TMLHE: variants seen among roughly 807,000 people sequenced by gnomAD.
TMLHE encodes trimethyllysine hydroxylase, epsilon, also known as trimethyllysine dioxygenase, mitochondrial.
TMLHE carries 18 observed loss-of-function variants against 25.7 expected under a neutral mutation model. That is an observed-to-expected ratio of 0.70 (90% CI 0.48 to 1.04). The LOEUF is 1.04. TMLHE is among the 50% of genes least tolerant of loss of function. TMLHE has a pLI of 0.00. For missense variants in TMLHE, 236 were observed against 259.0 expected (o/e 0.91, Z 0.61); for synonymous variants, 105 against 97.0 (o/e 1.08, Z -0.49).
intron 1 of TMLHE, among the ~76,000 whole-genome samples, chrX:155,597,901 A>G (rs1557346738): frequency 2.7e-5 from 3 of 111,684 alleles, no homozygotes; most frequent in Non-Finnish European, 1.9e-5. Flanking sequence ...CAAAAAAAAA[A>G]AAAGATGCCA....
chrX:155,532,668 CGTGT>C (rs33944459), intron 2 of TMLHE, among the ~76,000 whole-genome samples: 1,462 of 86,069 alleles, frequency 0.017, 10 homozygotes, highest in East Asian at 0.034. Context: ...ATGCAAAATT[CGTGT>C]GTGTGTGTGT....
intron 1 of TMLHE, among the ~76,000 whole-genome samples, chrX:155,573,942 T>C (rs932411881): frequency 9.9e-6 from 1 of 100,773 alleles, no homozygotes; most frequent in Non-Finnish European, 2.0e-5. Context: ...ATGTAACAAA[T>C]CTGCACATTG....
chrX:155,587,335 T>C (rs2067671123), intron 1 of TMLHE, among the ~76,000 whole-genome samples: 1 of 111,318 alleles, frequency 9.0e-6, no homozygotes, highest in African/African-American at 3.3e-5. Flanking sequence ...ATAAAAACTC[T>C]CAACAAACTA....
rs1557332735 is a variant in TMLHE, at chrX:155,506,927, G to A, written c.966C>T (p.Tyr322=). Residue 322 remains tyrosine, a synonymous_variant, in exon 6 of 8, where the codon TAC becomes TAT. Transcript: ENST00000334398. ...MIGIGPVLNI[Y]PWNKELYLIR... ...TCAAATACAGCTCTTTATTCCATGG[G>A]TAGATATTTAAGACTGGCCCAATCC... 1 of 1,206,708 alleles carries A rather than the reference G, an allele frequency of 8.3e-7. No individual in the cohort carries two copies. Among genetic ancestry groups the A allele is most frequent in the Non-Finnish European group, 1.1e-6 (1 of 892,795 alleles).
At chrX:155,590,938 A>G (rs1557345818) in intron 1 of TMLHE, among the ~76,000 whole-genome samples, 1 of 111,299 alleles carries the variant, frequency 9.0e-6, no homozygotes, top group Non-Finnish European at 1.9e-5. Flanking sequence ...TAAACACTAG[A>G]TGAAAAAATA....
intron 5 of TMLHE, among the ~76,000 whole-genome samples, chrX:155,507,803 G>C (rs1306275407): frequency 9.0e-6 from 1 of 111,306 alleles, no homozygotes; most frequent in Non-Finnish European, 1.9e-5. Context: ...AGTCCATTAT[G>C]TTGATAGTGT....
chrX:155,536,541 T>C (rs1030354079), intron 2 of TMLHE, among the ~76,000 whole-genome samples: 12 of 111,757 alleles, frequency 1.1e-4, no homozygotes, highest in Admixed American at 1.9e-4. Context: ...GTTGGTATGC[T>C]TACTGTCCTT....
At chrX:155,541,267 C>T (rs1421404662) in intron 2 of TMLHE, among the ~76,000 whole-genome samples, 1 of 110,932 alleles carries the variant, frequency 9.0e-6, no homozygotes, top group Non-Finnish European at 1.9e-5. Context: ...CATTGTTCAA[C>T]TCCCACTTAT....
At chrX:155,580,949 T>G (rs1261739445) in intron 1 of TMLHE, among the ~76,000 whole-genome samples, 4 of 111,544 alleles carry the variant, frequency 3.6e-5, no homozygotes, top group Non-Finnish European at 7.5e-5. Flanking sequence ...ACCAAATCTA[T>G]CAGCACATCA....
At chrX:155,509,792 T>C (rs782021392) in intron 5 of TMLHE, among the ~76,000 whole-genome samples, 8 of 111,718 alleles carry the variant, frequency 7.2e-5, no homozygotes, top group Non-Finnish European at 1.1e-4. Context: ...CATAAATCTA[T>C]GTGCACTCAT....
intron 1 of TMLHE, among the ~76,000 whole-genome samples, chrX:155,577,851 A>G (rs1254171304): frequency 9.0e-6 from 1 of 111,488 alleles, no homozygotes; most frequent in African/African-American, 3.3e-5. Context: ...CACTCTGAGG[A>G]CGAATCCCAT....
Position 155,560,331 on chromosome X carries a change from G to A in TMLHE, c.-1-15054C>T, listed in dbSNP as rs782425337. On this transcript the variant is annotated intron_variant, in intron 1 of 7. Transcript: ENST00000334398. ...TTAATCATTTGAACAAATATTTGTC[G>A]GGTGTCTACTTTGTGCTAGACATTG... Among the ~76,000 whole-genome samples, 21 of 110,136 alleles carry A rather than the reference G, an allele frequency of 1.9e-4. No homozygotes were observed. In the South Asian group the frequency reaches 7.2e-3, roughly 38 times the overall value.
intron 1 of TMLHE, among the ~76,000 whole-genome samples, chrX:155,555,859 A>G (rs1184195192): frequency 1.8e-5 from 2 of 109,722 alleles, no homozygotes; most frequent in Non-Finnish European, 3.8e-5. Context: ...TGCTGTGCAG[A>G]AGCTCTTTAG....
At chrX:155,605,642 C>T (rs949178401) in intron 1 of TMLHE, among the ~76,000 whole-genome samples, 1 of 112,045 alleles carries the variant, frequency 8.9e-6, no homozygotes, top group East Asian at 2.8e-4. Flanking sequence ...CACAAAAACA[C>T]ACTTAAAGAC....
chrX:155,549,801 A>ATG (rs2067401192), intron 1 of TMLHE, among the ~76,000 whole-genome samples: 1 of 109,724 alleles, frequency 9.1e-6, no homozygotes, highest in Non-Finnish European at 1.9e-5. Context: ...ATAGGTATAC[A>ATG]AACCATGGTG....
chrX:155,572,803 A>C lies in TMLHE; in HGVS notation c.-1-27526T>G, dbSNP rs1288487170. ...GCCATATGTAGAAAGCTGAAACTGG[A>C]TCCCTTCCTTACACCTTATACAAAA... On this transcript the variant is annotated intron_variant, in intron 1 of 7. Coordinates refer to ENST00000334398, the MANE Select transcript of TMLHE (RefSeq NM_018196.4). Among the ~76,000 whole-genome samples the C allele has an allele frequency of 1.2e-4, 7 of 56,659 alleles. 3 individuals are homozygous for C. Among genetic ancestry groups the C allele is most frequent in the Non-Finnish European group, 3.2e-4 (7 of 21,700 alleles). 49.2% of individuals were successfully genotyped at this position (56,659 alleles called of 115,157 possible). A position where few individuals can be genotyped will look rare whatever the true frequency, so the allele number is the denominator to read the frequency against.
At chrX:155,588,913 T>C (rs1215015011) in intron 1 of TMLHE, among the ~76,000 whole-genome samples, 5 of 111,741 alleles carry the variant, frequency 4.5e-5, no homozygotes, top group African/African-American at 1.3e-4. Context: ...ATGGAAACAG[T>C]ATGGAGGATG....
At chrX:155,536,731 T>C (rs1402695563) in intron 2 of TMLHE, among the ~76,000 whole-genome samples, 1 of 112,147 alleles carries the variant, frequency 8.9e-6, no homozygotes, top group Non-Finnish European at 1.9e-5. Flanking sequence ...AAATTAAATA[T>C]TTGATAGGTA....
At chrX:155,545,606 A>C (rs1569562032) in intron 1 of TMLHE, among the ~76,000 whole-genome samples, 1 of 112,248 alleles carries the variant, frequency 8.9e-6, no homozygotes, top group African/African-American at 3.2e-5. Flanking sequence ...GTAACAGACC[A>C]CATATATGAT....
Sources: allele counts gnomAD v4.1 joint callset (sites outside exome capture counted in the v4.1 genomes callset), GRCh38; gene constraint gnomAD v4.1.1; transcripts MANE v1.5; gene names NCBI Gene and HGNC (gene_info 2026-07-23, HGNC 2026-07-21).